Variants in COL19A1 observed in about 807,000 individuals in gnomAD.
The protein encoded by COL19A1 is collagen alpha-1(XIX) chain.
A neutral mutation model predicts 190.2 loss-of-function variants in COL19A1; 159 were observed. The ratio of observed to expected loss-of-function variants is 0.84; its 90% CI spans 0.73 to 0.95. The LOEUF is 0.95. COL19A1 is among the 40% of genes least tolerant of loss of function. The pLI, the probability that COL19A1 is intolerant of heterozygous loss-of-function variation, is 0.00. For synonymous variants in COL19A1, 509 were observed against 458.9 expected (o/e 1.11, Z -1.39); for missense variants, 1,418 against 1,431.9 (o/e 0.99, Z 0.16).
intron 15 of COL19A1, among the ~76,000 whole-genome samples, chr6:70,101,258 T>C (rs1360697530): frequency 6.6e-6 from 1 of 152,218 alleles, no homozygotes; most frequent in Non-Finnish European, 1.5e-5. Context: ...AGAAAACATA[T>C]GCTCATAAAT....
chr6:69,993,884 A>G (rs1776758221), intron 11 of COL19A1, among the ~76,000 whole-genome samples: 1 of 150,370 alleles, frequency 6.7e-6, no homozygotes, highest in Non-Finnish European at 1.5e-5. Context: ...AATCTTATTT[A>G]TTCTTTCAAA....
chr6:69,905,586 G>T (rs768076370), intron 4 of COL19A1, among the ~76,000 whole-genome samples: 2 of 152,218 alleles, frequency 1.3e-5, no homozygotes, highest in African/African-American at 2.4e-5. Context: ...CAATAGTGGC[G>T]TAGGGCCAAG....
At chr6:70,150,713 A>T (rs986599190) in intron 30 of COL19A1, among the ~76,000 whole-genome samples, 1 of 152,062 alleles carries the variant, frequency 6.6e-6, no homozygotes, top group Non-Finnish European at 1.5e-5. Context: ...TCTACCTCCC[A>T]CAGTGTTTGG....
chr6:70,151,650 C>T (rs1787064040), intron 31 of COL19A1, among the ~76,000 whole-genome samples: 1 of 152,094 alleles, frequency 6.6e-6, no homozygotes, highest in Non-Finnish European at 1.5e-5. Flanking sequence ...TTACCAGCCT[C>T]TCATTTTGGG....
chr6:70,196,070 C>T (rs1426876635), intron 48 of COL19A1, among the ~76,000 whole-genome samples: 1 of 152,180 alleles, frequency 6.6e-6, no homozygotes, highest in Non-Finnish European at 1.5e-5. Flanking sequence ...GAAGTAGTAA[C>T]CACCTTTGGG....
intron 27 of COL19A1, among the ~76,000 whole-genome samples, chr6:70,149,221 T>C (rs1786873006): frequency 6.6e-6 from 1 of 152,022 alleles, no homozygotes; most frequent in Admixed American, 6.6e-5. Context: ...CCAGCCTCAT[T>C]TTATTTATCC....
chr6:69,898,701 T>TATA (rs925193356), intron 2 of COL19A1, among the ~76,000 whole-genome samples: 3 of 152,162 alleles, frequency 2.0e-5, no homozygotes, highest in Non-Finnish European at 4.4e-5. Flanking sequence ...AAATAATAGT[T>TATA]ATAATAATAA....
At chr6:70,145,605 C>T (rs946532455) in intron 25 of COL19A1, among the ~76,000 whole-genome samples, 6 of 152,000 alleles carry the variant, frequency 3.9e-5, no homozygotes. Context: ...GGATCATTCA[C>T]ACAATAAACC....
At chr6:70,129,833 G>A in intron 17 of COL19A1, among the ~76,000 whole-genome samples, 1 of 152,254 alleles carries the variant, frequency 6.6e-6, no homozygotes, top group East Asian at 1.9e-4. Flanking sequence ...AGAATAGGGA[G>A]AGCAGATCAG....
intron 34 of COL19A1, among the ~76,000 whole-genome samples, chr6:70,160,307 A>G (rs1787716455): frequency 6.6e-6 from 1 of 152,026 alleles, no homozygotes; most frequent in South Asian, 2.1e-4. Context: ...AAACCATCAG[A>G]TCTCCTGAGA....
intron 5 of COL19A1, 41 bp downstream of exon 5, chr6:69,928,073 G>A: frequency 6.3e-7 from 1 of 1,595,328 alleles, no homozygotes; most frequent in Non-Finnish European, 8.6e-7. Flanking sequence ...TTTTCCTTGT[G>A]TAATTAAGCC....
intron 15 of COL19A1, among the ~76,000 whole-genome samples, chr6:70,092,848 A>G (rs1197028292): frequency 4.6e-5 from 7 of 152,204 alleles, no homozygotes; most frequent in African/African-American, 1.7e-4. Context: ...ATTGAAATCA[A>G]GATATCCAAA....
At chr6:69,927,499 A>G (rs1772476065) in intron 4 of COL19A1, among the ~76,000 whole-genome samples, 1 of 152,188 alleles carries the variant, frequency 6.6e-6, no homozygotes, top group African/African-American at 2.4e-5. Flanking sequence ...AGAATTTAAT[A>G]TGAAAAAGTT....
At chr6:69,871,809 ATTTTTTTTTTTTTTT>A (rs556851857) in intron 1 of COL19A1, among the ~76,000 whole-genome samples, 2 of 110,360 alleles carry the variant, frequency 1.8e-5, no homozygotes, top group African/African-American at 6.9e-5. Context: ...CAAGTCCACC[ATTTTTTTTTTTTTTT>A]TTTTTTTTGA....
At chr6:69,868,491 G>A (rs1767621686) in intron 1 of COL19A1, among the ~76,000 whole-genome samples, 1 of 152,156 alleles carries the variant, frequency 6.6e-6, no homozygotes, top group South Asian at 2.1e-4. Flanking sequence ...AGAAAGTGGA[G>A]AAAGTAACTG....
chr6:69,879,515 A>ATT, intron 1 of COL19A1, 21 bp from the exon 2 acceptor site: 115 of 1,169,912 alleles, frequency 9.8e-5, no homozygotes, highest in Non-Finnish European at 1.2e-4. Context: ...CTTTATTCAA[A>ATT]TTTTTTTTTT....
intron 11 of COL19A1, among the ~76,000 whole-genome samples, chr6:69,986,224 TATATATA>T (rs1776307688): frequency 4.1e-4 from 4 of 9,710 alleles, no homozygotes; most frequent in Non-Finnish European, 7.3e-4. Context: ...ACACGTTTTA[TATATATA>T]TATATATATA....
Position 70,042,625 on chromosome 6 carries a change from A to G in COL19A1, c.1170+6686A>G, listed in dbSNP as rs544443573. Among the ~76,000 whole-genome samples, 320 of 152,228 alleles carry G rather than the reference A, an allele frequency of 2.1e-3. 1 individual carries two copies. Among genetic ancestry groups the G allele is most frequent in the African/African-American group, 7.5e-3 (310 of 41,528 alleles). ...AAATAAGACAAAAATGAAGTTTGCCACCTTAATTGACTTTTCCTTTCATGA... is the reference window on the plus strand; with the variant it reads ...AAATAAGACAAAAATGAAGTTTGCCGCCTTAATTGACTTTTCCTTTCATGA... On this transcript the variant is annotated intron_variant, in intron 14 of 50. Coordinates refer to ENST00000620364, the MANE Select transcript of COL19A1 (RefSeq NM_001858.6).
At chr6:69,889,454 T>G (rs1296216275) in intron 2 of COL19A1, among the ~76,000 whole-genome samples, 1 of 152,220 alleles carries the variant, frequency 6.6e-6, no homozygotes, top group South Asian at 2.1e-4. Context: ...CCAACTGGAC[T>G]TCCTGGGTCA....
Sources: allele counts gnomAD v4.1 joint callset (sites outside exome capture counted in the v4.1 genomes callset), GRCh38; gene constraint gnomAD v4.1.1; transcripts MANE v1.5; gene names NCBI Gene and HGNC (gene_info 2026-07-23, HGNC 2026-07-21).